AK9: variants seen among roughly 807,000 people sequenced by gnomAD.
The protein encoded by AK9 is adenylate kinase domain containing 1.
In AK9, 191 loss-of-function variants were observed where a neutral mutation model predicts 239.6. The ratio of observed to expected loss-of-function variants is 0.80; its 90% CI spans 0.71 to 0.90. The LOEUF is 0.90. AK9 is among the 40% of genes least tolerant of loss of function. The pLI is 0.00. For synonymous variants in AK9, 689 were observed against 721.0 expected (o/e 0.96, Z 0.71); for missense variants, 1,995 against 2,214.7 (o/e 0.90, Z 1.99).
chr6:109,565,854 A>G (rs969371212), intron 21 of AK9, among the ~76,000 whole-genome samples: 48 of 152,316 alleles, frequency 3.2e-4, no homozygotes, highest in African/African-American at 1.1e-3. Context: ...GTTAGCTAAA[A>G]TAATACTTGG....
intron 38 of AK9, 26 bp from the exon 39 acceptor site, chr6:109,495,466 G>C: frequency 6.5e-7 from 1 of 1,531,902 alleles, no homozygotes; most frequent in Non-Finnish European, 9.0e-7. Context: ...TCATTAGATG[G>C]ATGCTCACAG....
chr6:109,498,047 A>C, intron 36 of AK9, 82 bp from the exon 37 acceptor site: 1 of 1,367,216 alleles, frequency 7.3e-7, no homozygotes, highest in Non-Finnish European at 1.0e-6. Context: ...GCTCTCCTGC[A>C]CCCTCCCCAT....
chr6:109,556,447 C>A (rs1785019648), intron 24 of AK9, among the ~76,000 whole-genome samples: 1 of 152,108 alleles, frequency 6.6e-6, no homozygotes, highest in Admixed American at 6.5e-5. Flanking sequence ...AACAGTTTTT[C>A]CTTCATTTCA....
chr6:109,613,370 A>G (rs1275504824), intron 15 of AK9, among the ~76,000 whole-genome samples: 1 of 151,972 alleles, frequency 6.6e-6, no homozygotes, highest in Non-Finnish European at 1.5e-5. Context: ...AGTCACCTCA[A>G]AAAAGAAGAA....
At chr6:109,605,853 G>A (rs1444386761) in intron 17 of AK9, among the ~76,000 whole-genome samples, 1 of 152,132 alleles carries the variant, frequency 6.6e-6, no homozygotes. Context: ...TGGGATAACT[G>A]TGGGGAGAAG....
intron 6 of AK9, chr6:109,660,892 T>C: frequency 2.2e-6 from 1 of 462,252 alleles, no homozygotes; most frequent in East Asian, 5.7e-5. Context: ...CACTCTCTGA[T>C]AACTACTGCT....
At chr6:109,493,949 T>C in intron 40 of AK9, 32 bp downstream of exon 40, 1 of 1,474,296 alleles carries the variant, frequency 6.8e-7, no homozygotes, top group East Asian at 2.3e-5. Flanking sequence ...GTTAAATTTG[T>C]TCTGAGTAGT....
chr6:109,638,147 T>G (rs1429531392), intron 10 of AK9, among the ~76,000 whole-genome samples: 2 of 152,236 alleles, frequency 1.3e-5, no homozygotes, highest in Non-Finnish European at 2.9e-5. Flanking sequence ...ACCTTACACC[T>G]ATGCCCCATG....
intron 1 of AK9, among the ~76,000 whole-genome samples, chr6:109,687,929 G>T (rs1773751928): frequency 6.6e-6 from 1 of 152,210 alleles, no homozygotes; most frequent in Admixed American, 6.5e-5. Context: ...AAAAAACCAG[G>T]TGGACAGGAT....
intron 38 of AK9, among the ~76,000 whole-genome samples, chr6:109,495,831 C>T (rs1330855986): frequency 2.0e-5 from 3 of 152,058 alleles, no homozygotes; most frequent in Non-Finnish European, 2.9e-5. Context: ...GAGGTGCCTC[C>T]CATCTGAGAC....
chr6:109,638,591 C>G (rs888699705), intron 10 of AK9, among the ~76,000 whole-genome samples: 5 of 152,186 alleles, frequency 3.3e-5, no homozygotes, highest in Non-Finnish European at 5.9e-5. Flanking sequence ...CTGATCCCCC[C>G]ACCTCAGCCT....
chr6:109,641,706 G>A, intron 9 of AK9, 90 bp from the exon 10 acceptor site: 7 of 1,050,504 alleles, frequency 6.7e-6, no homozygotes, highest in Non-Finnish European at 8.4e-6. Context: ...CCAAGACCAT[G>A]CTCCCCCTGA....
chr6:109,674,764 T>C (rs973395345), intron 2 of AK9, among the ~76,000 whole-genome samples: 8 of 152,342 alleles, frequency 5.3e-5, no homozygotes, highest in African/African-American at 1.9e-4. Context: ...CTGGTTGCTT[T>C]CACTGTTGAC....
chr6:109,499,060 G>T lies in AK9; in HGVS notation c.5030C>A (p.Ser1677Tyr), dbSNP rs746816252. 9.8e-6 allele frequency: 15 copies of T among 1,522,922 alleles called. No homozygotes were observed. The highest frequency in any genetic ancestry group is 1.4e-5 in the African/African-American group (1 of 70,788). The allele number at this position is 1,522,922 out of a possible 1,614,324, so 94.3% of individuals were successfully genotyped here. Residue 1677 changes from serine (S) to tyrosine (Y), a missense_variant, in exon 36 of 41, where the codon TCT (serine) becomes TAT (tyrosine). Physicochemically the swap from Ser to Tyr is moderately radical, Grantham distance 144. Transcript: ENST00000424296. Reference sequence around the variant, plus strand: ...CAAACTTACATTCAGTTTTTCCTGAGAACTCATTTTATAGTAGTGCCCCCT... The same window carrying T: ...CAAACTTACATTCAGTTTTTCCTGATAACTCATTTTATAGTAGTGCCCCCT... Reference protein sequence around the residue: ...EFRGHYYKMSSQEKLNKFLEN... With the variant: ...EFRGHYYKMSYQEKLNKFLEN...
At chr6:109,608,015 C>T (rs1482563654) in intron 17 of AK9, among the ~76,000 whole-genome samples, 2 of 152,030 alleles carry the variant, frequency 1.3e-5, no homozygotes, top group South Asian at 4.2e-4. Flanking sequence ...GTGGATCACG[C>T]CCGTAATCCC....
intron 28 of AK9, among the ~76,000 whole-genome samples, chr6:109,531,095 A>T (rs575333266): frequency 1.3e-5 from 2 of 152,328 alleles, no homozygotes; most frequent in East Asian, 3.9e-4. Flanking sequence ...TTGCCAAAGC[A>T]TACAATGTGG....
At chr6:109,620,061 T>C (rs778698402) in intron 12 of AK9, among the ~76,000 whole-genome samples, 1 of 152,130 alleles carries the variant, frequency 6.6e-6, no homozygotes. Flanking sequence ...TATCTATTGA[T>C]AGACATTTGG....
intron 1 of AK9, among the ~76,000 whole-genome samples, chr6:109,681,330 A>T (rs944853910): frequency 2.0e-5 from 3 of 152,222 alleles, no homozygotes; most frequent in African/African-American, 7.2e-5. Context: ...AAACCAACAA[A>T]GATCAAAAGA....
intron 28 of AK9, among the ~76,000 whole-genome samples, chr6:109,531,946 G>A (rs1299068370): frequency 6.6e-6 from 1 of 152,178 alleles, no homozygotes; most frequent in Non-Finnish European, 1.5e-5. Context: ...AGTGTGGTGA[G>A]GGAGAGGAAT....
Sources: gnomAD v4.1 joint callset for allele counts (sites outside exome capture counted in the v4.1 genomes callset) on GRCh38, gnomAD v4.1.1 for gene constraint, MANE v1.5 for transcripts, NCBI Gene and HGNC (gene_info 2026-07-23, HGNC 2026-07-21) for gene names.